Variants in MTNR1A observed in about 807,000 individuals in gnomAD.
The protein encoded by MTNR1A is melatonin receptor type 1A.
Under a neutral mutation model 5.5 loss-of-function variants are expected in MTNR1A, and 7 were observed. The ratio of observed to expected loss-of-function variants is 1.28; its 90% CI spans 0.73 to 2.40. The LOEUF (loss-of-function observed/expected upper bound fraction) is 2.40. Ranked by LOEUF, MTNR1A falls within the 30% of genes most tolerant of loss-of-function variation. MTNR1A has a pLI of 0.00. For synonymous variants in MTNR1A, 196 were observed against 202.7 expected (o/e 0.97, Z 0.28); for missense variants, 441 against 464.4 (o/e 0.95, Z 0.46).
intron 1 of MTNR1A, among the ~76,000 whole-genome samples, chr4:186,541,454 CA>C (rs1369595908): frequency 2.7e-5 from 4 of 148,038 alleles, no homozygotes. Flanking sequence ...GGCTAATGGT[CA>C]GCTCGATCAG....
intron 1 of MTNR1A, among the ~76,000 whole-genome samples, chr4:186,543,934 A>AT (rs1737081787): frequency 1.3e-5 from 2 of 152,222 alleles, no homozygotes; most frequent in South Asian, 4.1e-4. Context: ...TGTTTTCTGC[A>AT]TAATTATAGG....
At chr4:186,537,052 A>G (rs1426634898) in intron 1 of MTNR1A, among the ~76,000 whole-genome samples, 9 of 152,316 alleles carry the variant, frequency 5.9e-5, no homozygotes, top group Admixed American at 2.0e-4. Context: ...AATTTCTTTC[A>G]TGGCTCGAAT....
chr4:186,533,672 C>G lies in MTNR1A; in HGVS notation c.*17G>C, dbSNP rs546026620. 56 of 1,613,340 alleles carry G rather than the reference C, an allele frequency of 3.5e-5. No individual in the cohort carries two copies. Among genetic ancestry groups the G allele is most frequent in the Non-Finnish European group, 4.2e-5 (50 of 1,180,046 alleles). On this transcript the variant is annotated 3_prime_UTR_variant, in exon 2 of 2. Transcript: ENST00000307161. The stretch of plus-strand genomic sequence containing the variant: ...CCTTGCGCAGCGTGTCCATCTCACC[C>G]GGAACGTGGTGCTTTTTTAAACGGA...
At chr4:186,536,457 G>A (rs1420664479) in intron 1 of MTNR1A, among the ~76,000 whole-genome samples, 1 of 152,202 alleles carries the variant, frequency 6.6e-6, no homozygotes, top group East Asian at 1.9e-4. Context: ...GACAGGGACA[G>A]AGGGAGCCCC....
In MTNR1A at chr4:186,533,891, G is replaced by C. The variant is rs376741434; in HGVS notation, c.851C>G (p.Ala284Gly). 6.2e-7 allele frequency: 1 copy of C among 1,613,974 alleles called. No individual in the cohort carries two copies. Among genetic ancestry groups the C allele is most frequent in the Admixed American group, 1.7e-5 (1 of 59,988 alleles). Residue 284 changes from alanine (A) to glycine (G), a missense_variant, in exon 2 of 2, where the codon GCG (alanine) becomes GGG (glycine). By Grantham distance (60) the Ala-to-Gly change is moderately conservative. Transcript: ENST00000307161. ...EWLFVASYYM[A>G]YFNSCLNAII... ...GGCATTGAGGCAGCTGTTGAAATAC[G>C]CCATGTAGTAACTGGCCACAAACAG...
intron 1 of MTNR1A, among the ~76,000 whole-genome samples, chr4:186,548,161 G>C (rs1438545427): frequency 6.6e-6 from 1 of 151,828 alleles, no homozygotes; most frequent in Non-Finnish European, 1.5e-5. Flanking sequence ...TTTTCCCTTA[G>C]GCACTTTTCC....
At chr4:186,536,060 G>C (rs1736841381) in intron 1 of MTNR1A, among the ~76,000 whole-genome samples, 1 of 152,150 alleles carries the variant, frequency 6.6e-6, no homozygotes, top group Non-Finnish European at 1.5e-5. Context: ...GATTACACTA[G>C]AGTGGTTGGG....
At chr4:186,548,841 A>ATG (rs1460393784) in intron 1 of MTNR1A, among the ~76,000 whole-genome samples, 1 of 62,506 alleles carries the variant, frequency 1.6e-5, no homozygotes, top group Non-Finnish European at 3.2e-5. Context: ...ATATATATAT[A>ATG]TATATACACT....
chr4:186,546,652 A>AT (rs775696615), intron 1 of MTNR1A, among the ~76,000 whole-genome samples: 100 of 150,178 alleles, frequency 6.7e-4, no homozygotes, highest in Non-Finnish European at 4.0e-4. Flanking sequence ...CTCCCTGTTC[A>AT]TGCCACCCAC....
At chr4:186,537,556 T>C (rs923415332) in intron 1 of MTNR1A, among the ~76,000 whole-genome samples, 1 of 152,252 alleles carries the variant, frequency 6.6e-6, no homozygotes, top group Non-Finnish European at 1.5e-5. Context: ...GGCAGAATCA[T>C]AGAATCATAG....
Position 186,534,412 on chromosome 4 carries a change from G to A in MTNR1A, c.330C>T (p.Ser110=), listed in dbSNP as rs781051514. 32 of 1,614,094 alleles carry A rather than the reference G, an allele frequency of 2.0e-5. No individual in the cohort carries two copies. The highest frequency in any genetic ancestry group is 2.5e-5 in the Non-Finnish European group (30 of 1,180,018). The change falls in exon 2 of 2, where the codon AGC becomes AGT. Residue 110 remains serine, a synonymous_variant. Coordinates refer to ENST00000307161, the MANE Select transcript of MTNR1A (RefSeq NM_005958.4). ...TGATGTTGAATATGGAGCCGATGAC[G>A]CTCAGGCCCATCAGGAACCCACTGA... is the stretch of plus-strand genomic sequence containing the variant. ...CQVSGFLMGL[S]VIGSIFNITG...
In MTNR1A at chr4:186,555,324, G is replaced by C. The variant is rs1279800028; in HGVS notation, c.42C>G (p.Pro14=). The C allele has an allele frequency of 1.2e-5, 19 of 1,545,454 alleles. No individual in the cohort carries two copies. The East Asian group carries it at 3.4e-4, about 28-fold the overall frequency. Residue 14 remains proline, a synonymous_variant, in exon 1 of 2, where the codon CCC becomes CCG. Coordinates refer to ENST00000307161, the MANE Select transcript of MTNR1A (RefSeq NM_005958.4). This position sits in a 1 kb window ranked among gnomAD's most constrained non-coding sequence, Gnocchi z 4.1. ...GCCGCGCGCCGTCCCCGCGGAGCACGGGCTGGGAGGCGTTGGGCAGCGCGC... is the reference window on the plus strand; with the variant it reads ...GCCGCGCGCCGTCCCCGCGGAGCACCGGCTGGGAGGCGTTGGGCAGCGCGC... ...NGSALPNASQ[P]VLRGDGARPS...
At chr4:186,551,166 C>T (rs1737260456) in intron 1 of MTNR1A, among the ~76,000 whole-genome samples, 1 of 152,146 alleles carries the variant, frequency 6.6e-6, no homozygotes, top group Non-Finnish European at 1.5e-5. Flanking sequence ...TGGTAGCCTG[C>T]TTGCCCAAGG....
chr4:186,551,629 G>C (rs1412846418), intron 1 of MTNR1A, among the ~76,000 whole-genome samples: 1 of 151,920 alleles, frequency 6.6e-6, no homozygotes, highest in Non-Finnish European at 1.5e-5. Context: ...TGGGTGGATG[G>C]GTAGGTAAGT....
chr4:186,535,285 G>A (rs1736820346), intron 1 of MTNR1A, among the ~76,000 whole-genome samples: 2 of 151,948 alleles, frequency 1.3e-5, no homozygotes, highest in African/African-American at 4.8e-5. Flanking sequence ...AAAGGAAAAT[G>A]CAGAAATTCT....
intron 1 of MTNR1A, among the ~76,000 whole-genome samples, chr4:186,551,876 G>A (rs1028610065): frequency 5.3e-5 from 8 of 152,148 alleles, no homozygotes; most frequent in Non-Finnish European, 1.2e-4. Flanking sequence ...CAGCCATCCA[G>A]CCATAGAGCC....
At position 186,534,700 on chromosome 4, in the gene MTNR1A, G is replaced by A. The variant is rs562881441; in HGVS notation, c.185-143C>T. Reference sequence around the variant, plus strand: ...CCGCACTGCAAATGAAGTGGAGGCCGTTTCCCAGGAGGGCCAGTCCACTGC... The same window carrying A: ...CCGCACTGCAAATGAAGTGGAGGCCATTTCCCAGGAGGGCCAGTCCACTGC... On this transcript the variant is annotated intron_variant, in intron 1 of 1. Transcript: ENST00000307161. 5.9e-4 allele frequency: 510 copies of A among 871,768 alleles called. 2 individuals are homozygous for A. The highest frequency in any genetic ancestry group is 2.6e-3 in the Middle Eastern group (9 of 3,404). 54.0% of individuals were successfully genotyped at this position (871,768 alleles called of 1,614,324 possible). A position where few individuals can be genotyped will look rare whatever the true frequency, so the allele number is the denominator to read the frequency against.
chr4:186,539,648 A>G (rs1278993177), intron 1 of MTNR1A, among the ~76,000 whole-genome samples: 1 of 152,210 alleles, frequency 6.6e-6, no homozygotes, highest in Non-Finnish European at 1.5e-5. Context: ...CATCTGCTCC[A>G]GAAGACACAG....
At chr4:186,548,613 A>G (rs1379180178) in intron 1 of MTNR1A, among the ~76,000 whole-genome samples, 4 of 151,696 alleles carry the variant, frequency 2.6e-5, no homozygotes, top group African/African-American at 9.7e-5. Context: ...CAATATTAGT[A>G]TTGTCCCAAA....
Sources: gnomAD v4.1 joint callset for allele counts (sites outside exome capture counted in the v4.1 genomes callset) on GRCh38, gnomAD v4.1.1 for gene constraint, Gnocchi (gnomAD v3.1) non-coding constraint, MANE v1.5 for transcripts, NCBI Gene and HGNC (gene_info 2026-07-23, HGNC 2026-07-21) for gene names.